EPHA6: variants seen among roughly 807,000 people sequenced by gnomAD.
The protein encoded by EPHA6 is EPH receptor A6.
Under a neutral mutation model 112.0 loss-of-function variants are expected in EPHA6, and 50 were observed. The observed-to-expected ratio is 0.45, with a 90% confidence interval of 0.36 to 0.56. The LOEUF (loss-of-function observed/expected upper bound fraction) is 0.56, where lower values mean the gene tolerates loss of function less well. EPHA6 is among the 20% of genes least tolerant of loss of function. The pLI is 0.00. For missense variants in EPHA6, 1,280 were observed against 1,417.4 expected (o/e 0.90, Z 1.56); for synonymous variants, 529 against 490.7 (o/e 1.08, Z -1.03).
chr3:97,047,621 G>T (rs917175722), intron 3 of EPHA6, among the ~76,000 whole-genome samples: 13 of 151,150 alleles, frequency 8.6e-5, no homozygotes, highest in Non-Finnish European at 1.8e-4. Context: ...ACTTTGTACA[G>T]ATTATCTTTT....
At chr3:97,371,963 G>A (rs112716260) in intron 5 of EPHA6, among the ~76,000 whole-genome samples, 7 of 152,170 alleles carry the variant, frequency 4.6e-5, no homozygotes, top group Admixed American at 3.3e-4. Context: ...GCTCTCAAAC[G>A]CTCTCTCCTG....
At chr3:96,930,377 G>A (rs2040250603) in intron 2 of EPHA6, among the ~76,000 whole-genome samples, 2 of 152,008 alleles carry the variant, frequency 1.3e-5, no homozygotes. Flanking sequence ...CTTTGAATGG[G>A]GTTTTTGTGG....
intron 5 of EPHA6, among the ~76,000 whole-genome samples, chr3:97,320,841 A>G (rs970780696): frequency 2.6e-5 from 4 of 150,972 alleles, no homozygotes; most frequent in Non-Finnish European, 5.9e-5. Flanking sequence ...ATAAAAAAAA[A>G]GGGATGAATT....
chr3:97,412,803 A>G (rs2087819005), intron 6 of EPHA6, among the ~76,000 whole-genome samples: 1 of 152,044 alleles, frequency 6.6e-6, no homozygotes, highest in South Asian at 2.1e-4. Flanking sequence ...TTTCTTCTAA[A>G]AAATGTCCAC....
At chr3:97,187,131 A>T (rs1006207299) in intron 3 of EPHA6, among the ~76,000 whole-genome samples, 1 of 152,118 alleles carries the variant, frequency 6.6e-6, no homozygotes, top group Non-Finnish European at 1.5e-5. Context: ...CGTTCACATT[A>T]TATGCTAGCT....
intron 1 of EPHA6, among the ~76,000 whole-genome samples, chr3:96,818,188 AAC>A (rs1443566173): frequency 6.6e-6 from 1 of 151,982 alleles, no homozygotes; most frequent in African/African-American, 2.4e-5. Context: ...ATGAATATAA[AAC>A]ACAATCTTGC....
intron 14 of EPHA6, chr3:97,648,505 T>C (rs2094084395): frequency 1.5e-6 from 2 of 1,293,378 alleles, no homozygotes; most frequent in Non-Finnish European, 2.0e-6. Flanking sequence ...GCTTGACTTT[T>C]TGAAGTTAAT....
At chr3:97,418,539 GT>G (rs1401995683) in intron 6 of EPHA6, among the ~76,000 whole-genome samples, 1 of 152,088 alleles carries the variant, frequency 6.6e-6, no homozygotes, top group Non-Finnish European at 1.5e-5. Context: ...AAAGTAGACA[GT>G]TGAAAATAGT....
At chr3:97,548,460 A>T (rs751243984) in intron 11 of EPHA6, among the ~76,000 whole-genome samples, 1 of 152,166 alleles carries the variant, frequency 6.6e-6, no homozygotes, top group African/African-American at 2.4e-5. Flanking sequence ...GGCTTTGCAA[A>T]TATCCTATTT....
intron 14 of EPHA6, 43 bp downstream of exon 14, chr3:97,638,125 ATTG>A: frequency 7.1e-7 from 1 of 1,398,606 alleles, no homozygotes; most frequent in Non-Finnish European, 1.0e-6. Flanking sequence ...GTTTACTTTT[ATTG>A]TTTTTAATGT....
intron 3 of EPHA6, among the ~76,000 whole-genome samples, chr3:97,099,411 A>G (rs933163198): frequency 1.3e-5 from 2 of 151,920 alleles, no homozygotes; most frequent in Non-Finnish European, 2.9e-5. Context: ...GTCTTTTGAT[A>G]TTCACTAATA....
At chr3:97,723,678 GA>G (rs2034629334) in intron 15 of EPHA6, among the ~76,000 whole-genome samples, 1 of 150,936 alleles carries the variant, frequency 6.6e-6, no homozygotes, top group African/African-American at 2.4e-5. Flanking sequence ...GGGAAAAGGG[GA>G]AAAAAGAGGA....
intron 6 of EPHA6, among the ~76,000 whole-genome samples, chr3:97,410,424 C>T (rs1321130712): frequency 6.6e-6 from 1 of 151,894 alleles, no homozygotes; most frequent in Non-Finnish European, 1.5e-5. Flanking sequence ...AAGTGTTTGC[C>T]CAAGGGAGGA....
At chr3:97,180,154 G>C (rs552648286) in intron 3 of EPHA6, among the ~76,000 whole-genome samples, 1 of 151,956 alleles carries the variant, frequency 6.6e-6, no homozygotes, top group Admixed American at 6.6e-5. Context: ...GCAGAGGAGC[G>C]TTCGTTTGTA....
rs137995304 is a variant in EPHA6 at position 97,503,952 on chromosome 3, A to T, written c.2200+19893A>T. Among the ~76,000 whole-genome samples, 993 of 152,238 alleles carry T rather than the reference A, an allele frequency of 6.5e-3. 11 individuals are homozygous for T. Among genetic ancestry groups the T allele is most frequent in the African/African-American group, 0.022 (913 of 41,540 alleles). ...ACCTCCAGAATGCTGGGAAATGAAA[A>T]CTCTAAAACAATTCTATGCTGTGGA... On this transcript the variant is annotated intron_variant, in intron 10 of 17. Coordinates refer to ENST00000389672, the MANE Select transcript of EPHA6 (RefSeq NM_001080448.3).
chr3:97,020,315 A>G (rs1489685055), intron 3 of EPHA6, among the ~76,000 whole-genome samples: 2 of 152,228 alleles, frequency 1.3e-5, no homozygotes, highest in Non-Finnish European at 2.9e-5. Context: ...GGATTCACTG[A>G]CAATAATAAG....
chr3:97,058,030 C>T (rs1281603333), intron 3 of EPHA6, among the ~76,000 whole-genome samples: 3 of 151,576 alleles, frequency 2.0e-5, no homozygotes, highest in African/African-American at 7.3e-5. Flanking sequence ...ACAACATTTT[C>T]ACCACAGTTT....
chr3:97,332,293 C>T (rs1395263153), intron 5 of EPHA6, among the ~76,000 whole-genome samples: 2 of 151,972 alleles, frequency 1.3e-5, no homozygotes, highest in Non-Finnish European at 2.9e-5. Context: ...AAACCCACAG[C>T]CAATATCATA....
At chr3:97,704,957 A>C (rs1048277757) in intron 14 of EPHA6, among the ~76,000 whole-genome samples, 1 of 152,136 alleles carries the variant, frequency 6.6e-6, no homozygotes, top group Non-Finnish European at 1.5e-5. Context: ...TTTTCCTTCT[A>C]TTTCCCCTTC....
Sources: allele counts gnomAD v4.1 joint callset (sites outside exome capture counted in the v4.1 genomes callset), GRCh38; gene constraint gnomAD v4.1.1; transcripts MANE v1.5; gene names NCBI Gene and HGNC (gene_info 2026-07-23, HGNC 2026-07-21).